Variants in CHIT1 observed in about 807,000 individuals in gnomAD.
The protein encoded by CHIT1 is chitotriosidase-1.
In CHIT1, 47 loss-of-function variants were observed where a neutral mutation model predicts 52.0. That is an observed-to-expected ratio of 0.90 (90% CI 0.71 to 1.15). The LOEUF (loss-of-function observed/expected upper bound fraction) is 1.15, where lower values mean the gene tolerates loss of function less well. Among genes scored for constraint, CHIT1 ranks in the 50% most tolerant of loss-of-function variants. The pLI, the probability that CHIT1 is intolerant of heterozygous loss-of-function variation, is 0.00. For missense variants in CHIT1, 569 were observed against 583.0 expected (o/e 0.98, Z 0.25); for synonymous variants, 242 against 228.2 (o/e 1.06, Z -0.54).
intron 7 of CHIT1, among the ~76,000 whole-genome samples, chr1:203,220,403 G>A (rs1445365583): frequency 6.6e-6 from 1 of 152,186 alleles, no homozygotes; most frequent in Non-Finnish European, 1.5e-5. Context: ...AATTGGGTCT[G>A]CTTTATTTAT....
At chr1:203,230,049 G>A (rs1024416027), upstream of CHIT1, 3 of 280,152 alleles carry the variant, frequency 1.1e-5, no homozygotes, top group African/African-American at 6.5e-5. Context: ...CAGCTCTCTT[G>A]CTTCTCCACT....
intron 6 of CHIT1, 32 bp downstream of exon 6, chr1:203,223,103 G>A (rs1656796021): frequency 6.2e-7 from 1 of 1,613,396 alleles, no homozygotes; most frequent in Non-Finnish European, 8.5e-7. Flanking sequence ...CCCTCAGAGA[G>A]CACAGCTCCA....
intron 9 of CHIT1, 118 bp from the exon 10 acceptor site, chr1:203,217,983 T>C: frequency 6.5e-7 from 1 of 1,538,000 alleles, no homozygotes; most frequent in South Asian, 1.2e-5. Context: ...GGCCTGTGAG[T>C]GGCTGTAGAT....
rs1024681159 is a variant in CHIT1 at position 203,216,569 on chromosome 1, A to G, written c.*320T>C. On this transcript the variant is annotated 3_prime_UTR_variant, in exon 11 of 11. Coordinates refer to ENST00000367229, the MANE Select transcript of CHIT1 (RefSeq NM_003465.3). The stretch of plus-strand genomic sequence containing the variant: ...GGCAAGACCTGCCACAGGGCCTGGC[A>G]CATCCTGCACGGACCACCTTCCCAC... 2 of 481,836 alleles carry G rather than the reference A, an allele frequency of 4.2e-6. No individual in the cohort carries two copies. Among genetic ancestry groups the G allele is most frequent in the African/African-American group, 3.9e-5 (2 of 51,076 alleles). The allele number at this position is 481,836 out of a possible 1,614,324, so 29.8% of individuals were successfully genotyped here.
chr1:203,220,460 C>T lies in CHIT1; in HGVS notation c.730-611G>A, dbSNP rs77706048. Reference sequence around the variant, plus strand: ...AATGACACCTGATGCTCAGATAGAACAAAGGCTTCCTTACCCACCTTTGAA... The same window carrying T: ...AATGACACCTGATGCTCAGATAGAATAAAGGCTTCCTTACCCACCTTTGAA... On this transcript the variant is annotated intron_variant, in intron 7 of 10. Coordinates refer to ENST00000367229, the MANE Select transcript of CHIT1 (RefSeq NM_003465.3). Among the ~76,000 whole-genome samples the T allele has an allele frequency of 9.9e-3, 1,510 of 152,262 alleles. 10 individuals carry two copies. The highest frequency in any genetic ancestry group is 0.017 in the Middle Eastern group (5 of 294).
In CHIT1 at chr1:203,218,581, G is replaced by A. The variant is rs115401260; in HGVS notation, c.1029+635C>T. Among the ~76,000 whole-genome samples, 519 of 152,122 alleles carry A rather than the reference G, an allele frequency of 3.4e-3. 4 individuals carry two copies. The highest frequency in any genetic ancestry group is 0.012 in the African/African-American group (496 of 41,498). The stretch of plus-strand genomic sequence containing the variant: ...CGCGTCTTTGCTTGTGCAGTTGCCC[G>A]CTCCCTCACCCCTAAGAATGGCCAC... On this transcript the variant is annotated intron_variant, in intron 9 of 10. Coordinates refer to ENST00000367229, the MANE Select transcript of CHIT1 (RefSeq NM_003465.3).
intron 9 of CHIT1, chr1:203,218,217 C>G (rs977038860): frequency 6.4e-5 from 45 of 698,660 alleles, no homozygotes; most frequent in Non-Finnish European, 9.0e-5. Context: ...GTATGCTGGT[C>G]AAGGTCAAGG....
intron 1 of CHIT1, among the ~76,000 whole-genome samples, chr1:203,228,861 A>G (rs1657031931): frequency 6.6e-6 from 1 of 152,158 alleles, no homozygotes; most frequent in Admixed American, 6.5e-5. Context: ...ATTGTGGAAA[A>G]ACTGCTGACT....
At position 203,223,061 on chromosome 1, in the gene CHIT1, T is replaced by C. The variant is rs998685600; in HGVS notation, c.605+74A>G. ...TGTAGATGAACACCTGCTCTACCCA[T>C]GGGAAAGCTCAGTCTGCCCTTGGCC... is the stretch of plus-strand genomic sequence containing the variant. On this transcript the variant is annotated intron_variant, in intron 6 of 10. Coordinates refer to ENST00000367229, the MANE Select transcript of CHIT1 (RefSeq NM_003465.3). 2.9e-5 allele frequency: 47 copies of C among 1,593,252 alleles called. No individual in the cohort carries two copies. The African/African-American group carries it at 5.5e-4, about 19-fold the overall frequency.
At chr1:203,222,062 C>T in intron 7 of CHIT1, 140 bp downstream of exon 7, 1 of 1,250,186 alleles carries the variant, frequency 8.0e-7, no homozygotes, top group Non-Finnish European at 1.1e-6. Context: ...ACAAAACAAG[C>T]AAGCAAAGAA....
intron 1 of CHIT1, 125 bp from the exon 2 acceptor site, chr1:203,228,687 T>A (rs919513557): frequency 2.0e-5 from 23 of 1,122,816 alleles, no homozygotes; most frequent in Non-Finnish European, 2.6e-5. Flanking sequence ...AGCTTTCTCC[T>A]TTCAGAAGGG....
intron 2 of CHIT1, among the ~76,000 whole-genome samples, chr1:203,226,361 C>G (rs1263802974): frequency 6.6e-6 from 1 of 152,172 alleles, no homozygotes; most frequent in African/African-American, 2.4e-5. Context: ...CCCCAGGCAG[C>G]CCCAACATGA....
Position 203,223,237 on chromosome 1 carries a change from T to C in CHIT1, c.503A>G (p.Gln168Arg). The C allele has an allele frequency of 6.2e-7, 1 of 1,614,206 alleles. No homozygotes were observed. The highest frequency in any genetic ancestry group is 8.5e-7 in the Non-Finnish European group (1 of 1,180,030). Residue 168 changes from glutamine to arginine, a missense_variant, in exon 6 of 11, where the codon CAG becomes CGG. Transcript: ENST00000367229. The part of the protein sequence containing the change: ...LVQDLANAFQ[Q>R]EAQTSGKERL... Reference sequence around the variant, plus strand: ...TTCCTTCCCTGAGGTCTGGGCTTCCTGCTGGAAGGCATTGGCCAAGTCCTG... The same window carrying C: ...TTCCTTCCCTGAGGTCTGGGCTTCCCGCTGGAAGGCATTGGCCAAGTCCTG...
chr1:203,217,949 G>A lies in CHIT1; in HGVS notation c.1030-84C>T, dbSNP rs1451480168. On this transcript the variant is annotated intron_variant, in intron 9 of 10. Coordinates refer to ENST00000367229, the MANE Select transcript of CHIT1 (RefSeq NM_003465.3). ...AGCCTGGCTACCTCTTCTGGACAGG[G>A]CCCTTTTTGCTCCAGCAGCCTCAGG... 2.6e-6 allele frequency: 4 copies of A among 1,547,890 alleles called. No individual in the cohort carries two copies. The Admixed American group carries it at 7.8e-5, about 30-fold the overall frequency.
At chr1:203,226,526 C>T (rs1656937985) in intron 2 of CHIT1, among the ~76,000 whole-genome samples, 1 of 152,184 alleles carries the variant, frequency 6.6e-6, no homozygotes, top group East Asian at 1.9e-4. Flanking sequence ...GTTTATGTTT[C>T]TTTAGTCTTG....
chr1:203,219,364 G>A (rs1460563785), intron 8 of CHIT1, 35 bp from the exon 9 acceptor site: 2 of 1,261,748 alleles, frequency 1.6e-6, no homozygotes, highest in East Asian at 2.3e-5. Context: ...GGGAGGAGGA[G>A]GGAGGCTCTT....
At chr1:203,217,502 A>T (rs13328704) in intron 10 of CHIT1, 1 of 1,120,706 alleles carries the variant, frequency 8.9e-7, no homozygotes, top group Non-Finnish European at 1.3e-6. Flanking sequence ...GAGGGAAGCC[A>T]CGGTTACAAC....
intron 2 of CHIT1, among the ~76,000 whole-genome samples, chr1:203,226,605 G>A (rs1037309476): frequency 1.1e-4 from 16 of 152,124 alleles, no homozygotes; most frequent in Non-Finnish European, 1.8e-4. Context: ...TCACTGCTGA[G>A]ATTCTAATAG....
chr1:203,223,246 G>T lies in CHIT1; in HGVS notation c.494C>A (p.Ala165Asp). ...FTTLVQDLAN[A>D]FQQEAQTSGK... Reference sequence around the variant, plus strand: ...TGAGGTCTGGGCTTCCTGCTGGAAGGCATTGGCCAAGTCCTGTGGGAGTGG... The same window carrying T: ...TGAGGTCTGGGCTTCCTGCTGGAAGTCATTGGCCAAGTCCTGTGGGAGTGG... The change falls in exon 6 of 11, where the codon GCC becomes GAC. Residue 165 changes from alanine (A) to aspartate (D), a missense_variant. By Grantham distance (126) the Ala-to-Asp change is moderately radical. Coordinates refer to ENST00000367229, the MANE Select transcript of CHIT1 (RefSeq NM_003465.3). 6.2e-7 allele frequency: 1 copy of T among 1,614,196 alleles called. No homozygotes were observed. The highest frequency in any genetic ancestry group is 8.5e-7 in the Non-Finnish European group (1 of 1,180,026).
Sources: gnomAD v4.1 joint callset for allele counts (sites outside exome capture counted in the v4.1 genomes callset) on GRCh38, gnomAD v4.1.1 for gene constraint, MANE v1.5 for transcripts, NCBI Gene and HGNC (gene_info 2026-07-23, HGNC 2026-07-21) for gene names.